Variants in RHEX observed in about 807,000 individuals in gnomAD.
RHEX encodes regulator of hemoglobinization and erythroid cell expansion.
Under a neutral mutation model 20.1 loss-of-function variants are expected in RHEX, and 18 were observed. That is an observed-to-expected ratio of 0.90 (90% confidence interval 0.62 to 1.33). The LOEUF is 1.33. Ranked by LOEUF, RHEX falls within the 40% of genes most tolerant of loss-of-function variation. RHEX has a pLI of 0.00. For synonymous variants in RHEX, 87 were observed against 77.1 expected (o/e 1.13, Z -0.67); for missense variants, 192 against 214.3 (o/e 0.90, Z 0.65).
Position 206,097,837 on chromosome 1 carries a change from AGAGT to A in RHEX, c.11+4_11+7del. On this transcript the variant is annotated splice_donor_variant and coding_sequence_variant, in exon 2 of 6. Transcript: ENST00000331555. LOFTEE classifies it high-confidence loss of function. Reference sequence around the variant, plus strand: ...TCAGCAAGGAGCTCATCATGCTGACAGAGTGAGTGGGCCCAACAAGAGCAGGAGC... The same window carrying A: ...TCAGCAAGGAGCTCATCATGCTGACAGAGTGGGCCCAACAAGAGCAGGAGC... 1 of 1,606,886 alleles carries A rather than the reference AGAGT, an allele frequency of 6.2e-7. No individual in the cohort carries two copies. Among genetic ancestry groups the A allele is most frequent in the Non-Finnish European group, 8.5e-7 (1 of 1,173,354 alleles).
intron 1 of RHEX, among the ~76,000 whole-genome samples, chr1:206,094,188 G>GTA (rs1663018600): frequency 6.6e-6 from 1 of 151,946 alleles, no homozygotes; most frequent in African/African-American, 2.4e-5. Context: ...GTGTGTGTGT[G>GTA]TGTGTGTGTG....
intron 1 of RHEX, among the ~76,000 whole-genome samples, chr1:206,054,332 T>C (rs1662142338): frequency 6.6e-6 from 1 of 152,246 alleles, no homozygotes; most frequent in Non-Finnish European, 1.5e-5. Flanking sequence ...TGTTGTATAA[T>C]TTAAAAGTAA....
chr1:206,059,545 T>TATCTGCTATAGGGCTGA (rs1662265085), intron 1 of RHEX, among the ~76,000 whole-genome samples: 2 of 152,174 alleles, frequency 1.3e-5, no homozygotes, highest in Non-Finnish European at 2.9e-5. Flanking sequence ...TGAGGGGTGC[T>TATCTGCTATAGGGCTGA]ATCTGCTATA....
intron 1 of RHEX, among the ~76,000 whole-genome samples, chr1:206,074,862 G>T (rs938968330): frequency 6.6e-6 from 1 of 152,134 alleles, no homozygotes; most frequent in African/African-American, 2.4e-5. Context: ...GACCCTCCCA[G>T]CCCCCTCATA....
At chr1:206,083,722 T>A in intron 1 of RHEX, 1 of 781,832 alleles carries the variant, frequency 1.3e-6, no homozygotes, top group Non-Finnish European at 1.6e-6. Context: ...CATATATGTG[T>A]AGAAGTTTTA....
chr1:206,057,251 G>A (rs954681743), intron 1 of RHEX, among the ~76,000 whole-genome samples: 7 of 152,250 alleles, frequency 4.6e-5, no homozygotes, highest in South Asian at 2.1e-4. Context: ...TGGAGGAACC[G>A]TAACAGGAGA....
At chr1:206,069,394 T>C (rs1662487445) in intron 1 of RHEX, among the ~76,000 whole-genome samples, 2 of 152,238 alleles carry the variant, frequency 1.3e-5, no homozygotes, top group African/African-American at 4.8e-5. Flanking sequence ...TTGTTCTGGC[T>C]TCTGTAGATA....
chr1:206,081,774 G>A (rs1662740771), intron 1 of RHEX, among the ~76,000 whole-genome samples: 1 of 152,190 alleles, frequency 6.6e-6, no homozygotes, highest in Non-Finnish European at 1.5e-5. Context: ...TCTGGTCCAA[G>A]AGTGGTCCAC....
At chr1:206,101,071 T>G (rs1663176389) in intron 4 of RHEX, 65 bp from the exon 5 acceptor site, 1 of 1,297,960 alleles carries the variant, frequency 7.7e-7, no homozygotes, top group Non-Finnish European at 1.1e-6. Flanking sequence ...CCTTCCATTG[T>G]CTCTATCCTC....
chr1:206,097,834 GAC>G lies in RHEX; in HGVS notation c.8_9del (p.Thr3ArgfsTer39), dbSNP rs782569010. On this transcript the variant is annotated frameshift_variant, in exon 2 of 6. Coordinates refer to ENST00000331555, the MANE Select transcript of RHEX (RefSeq NM_001007544.4). LOFTEE classifies it high-confidence loss of function. ML[T>X]EVMEVWHGLV... Reference sequence around the variant, plus strand: ...TTATCAGCAAGGAGCTCATCATGCTGACAGAGTGAGTGGGCCCAACAAGAGCA... The same window carrying G: ...TTATCAGCAAGGAGCTCATCATGCTGAGAGTGAGTGGGCCCAACAAGAGCA... 3.3e-4 allele frequency: 524 copies of G among 1,609,526 alleles called. 2 individuals carry two copies. Among genetic ancestry groups the G allele is most frequent in the Non-Finnish European group, 2.8e-4 (331 of 1,175,896 alleles).
At chr1:206,058,280 A>C (rs1260047271) in intron 1 of RHEX, among the ~76,000 whole-genome samples, 2 of 152,006 alleles carry the variant, frequency 1.3e-5, no homozygotes, top group African/African-American at 4.8e-5. Flanking sequence ...ATGATAAAAA[A>C]CTTCGTCGCT....
chr1:206,066,719 T>C (rs549936544), intron 1 of RHEX, among the ~76,000 whole-genome samples: 1 of 152,340 alleles, frequency 6.6e-6, no homozygotes, highest in Non-Finnish European at 1.5e-5. Flanking sequence ...GATTTATGCT[T>C]AGTGAGACTG....
intron 4 of RHEX, 137 bp downstream of exon 4, chr1:206,099,935 T>C: frequency 2.7e-6 from 2 of 742,086 alleles, no homozygotes; most frequent in South Asian, 1.9e-5. Flanking sequence ...AGGACAGCCT[T>C]GCCAGCCTAC....
At chr1:206,095,847 T>A (rs1663056373) in intron 1 of RHEX, among the ~76,000 whole-genome samples, 1 of 151,982 alleles carries the variant, frequency 6.6e-6, no homozygotes, top group Admixed American at 6.5e-5. Context: ...TTTTTTTTTT[T>A]TGATACAGGA....
chr1:206,060,711 T>A (rs1436559526), intron 1 of RHEX: 1 of 152,256 alleles, frequency 6.6e-6, no homozygotes, highest in Non-Finnish European at 1.5e-5. Flanking sequence ...TCATGTCTCT[T>A]AGTTGCTTCC....
Position 206,061,767 on chromosome 1 carries a change from C to G in RHEX, c.-97+8502C>G, listed in dbSNP as rs1393529208. 18 of 152,312 alleles carry G rather than the reference C, an allele frequency of 1.2e-4. 1 individual carries two copies. Among genetic ancestry groups the G allele is most frequent in the Admixed American group, 1.2e-3 (18 of 15,278 alleles). 9.4% of individuals were successfully genotyped at this position (152,312 alleles called of 1,614,324 possible). On this transcript the variant is annotated intron_variant, in intron 1 of 5. Transcript: ENST00000331555. Reference sequence around the variant, plus strand: ...CACCAACATGCCCCCTTTTCATCACCCCAGGAGGACATTGCCAGACCAAGT... The same window carrying G: ...CACCAACATGCCCCCTTTTCATCACGCCAGGAGGACATTGCCAGACCAAGT...
chr1:206,057,404 G>A (rs1365347485), intron 1 of RHEX, among the ~76,000 whole-genome samples: 4 of 152,236 alleles, frequency 2.6e-5, no homozygotes, highest in African/African-American at 9.7e-5. Flanking sequence ...GAAGGAAAAG[G>A]ATTTACTCAT....
intron 1 of RHEX, among the ~76,000 whole-genome samples, chr1:206,064,080 C>A (rs1359816832): frequency 6.7e-6 from 1 of 149,102 alleles, no homozygotes; most frequent in African/African-American, 2.5e-5. Flanking sequence ...TCTGCCCAGC[C>A]GCGACCCCGT....
intron 1 of RHEX, among the ~76,000 whole-genome samples, chr1:206,053,941 A>G (rs1279223850): frequency 6.6e-6 from 1 of 152,266 alleles, no homozygotes; most frequent in Non-Finnish European, 1.5e-5. Context: ...AGACTAAACA[A>G]GGTCTTAATA....
Sources: gnomAD v4.1 joint callset for allele counts (sites outside exome capture counted in the v4.1 genomes callset) on GRCh38, gnomAD v4.1.1 for gene constraint, MANE v1.5 for transcripts, NCBI Gene and HGNC (gene_info 2026-07-23, HGNC 2026-07-21) for gene names.